Variants in CUEDC1 observed in about 807,000 individuals in gnomAD.
CUEDC1 encodes the protein CUE domain containing 1.
A neutral mutation model predicts 43.7 loss-of-function variants in CUEDC1; 30 were observed. The ratio of observed to expected loss-of-function variants is 0.69; its 90% CI spans 0.51 to 0.93. The LOEUF is 0.93. Ranked by LOEUF, CUEDC1 falls within the 40% of genes least tolerant of loss-of-function variation. The probability of loss-of-function intolerance (pLI) is 0.00; values close to 1 mark genes in which losing one functional copy is unlikely to be tolerated. For missense variants in CUEDC1, 486 were observed against 549.0 expected (o/e 0.89, Z 1.15); for synonymous variants, 223 against 223.6 (o/e 1.00, Z 0.02).
At chr17:57,870,491 C>T (rs2074018741) in intron 6 of CUEDC1, among the ~76,000 whole-genome samples, 1 of 152,222 alleles carries the variant, frequency 6.6e-6, no homozygotes, top group Non-Finnish European at 1.5e-5. Context: ...TGAGTAAACT[C>T]CCCAGATTAA....
At chr17:57,884,277 A>G (rs1156735054) in intron 2 of CUEDC1, among the ~76,000 whole-genome samples, 1 of 136,610 alleles carries the variant, frequency 7.3e-6, no homozygotes, top group Non-Finnish European at 1.5e-5. Context: ...GGCTCACTGC[A>G]ACCTCTGCCT....
At chr17:57,940,300 G>GCACTC (rs1214122238) in intron 1 of CUEDC1, among the ~76,000 whole-genome samples, 1 of 151,600 alleles carries the variant, frequency 6.6e-6, no homozygotes, top group Non-Finnish European at 1.5e-5. Context: ...TCAGCCAGAG[G>GCACTC]CACTCCAATG....
intron 1 of CUEDC1, among the ~76,000 whole-genome samples, chr17:57,944,856 A>G (rs2074947050): frequency 6.6e-6 from 1 of 152,224 alleles, no homozygotes. Flanking sequence ...GGAATCTTTC[A>G]AGATTCACCA....
intron 8 of CUEDC1, 50 bp from the exon 9 acceptor site, chr17:57,867,465 T>G (rs1377558251): frequency 6.7e-7 from 1 of 1,499,084 alleles, no homozygotes; most frequent in African/African-American, 1.4e-5. Flanking sequence ...GACACTGCCC[T>G]AGTCCTCCCA....
intron 10 of CUEDC1, among the ~76,000 whole-genome samples, chr17:57,865,942 C>T (rs775448340): frequency 2.6e-5 from 4 of 152,060 alleles, no homozygotes; most frequent in Non-Finnish European, 5.9e-5. Context: ...CCTGCCTCAG[C>T]CTCCCAAGTA....
At chr17:57,896,488 GTGTGT>G (rs2074410944) in intron 1 of CUEDC1, among the ~76,000 whole-genome samples, 1 of 36,020 alleles carries the variant, frequency 2.8e-5, no homozygotes, top group African/African-American at 4.9e-5. Flanking sequence ...GCATTATGGG[GTGTGT>G]GTGTGTGTGT....
At chr17:57,877,502 G>A (rs188848857) in intron 3 of CUEDC1, among the ~76,000 whole-genome samples, 21 of 149,084 alleles carry the variant, frequency 1.4e-4, no homozygotes, top group African/African-American at 4.4e-4. Context: ...TATGGCCTCA[G>A]TTTTCCCTTC....
At chr17:57,935,141 A>G (rs1236566469) in intron 1 of CUEDC1, among the ~76,000 whole-genome samples, 2 of 152,214 alleles carry the variant, frequency 1.3e-5, no homozygotes, top group East Asian at 3.8e-4. Flanking sequence ...CTCACTGACT[A>G]ATACACAAGA....
intron 1 of CUEDC1, among the ~76,000 whole-genome samples, chr17:57,894,088 G>A (rs983790413): frequency 2.6e-5 from 4 of 152,180 alleles, no homozygotes; most frequent in Middle Eastern, 3.4e-3. Context: ...GCAAGACTCC[G>A]TCTCAAAAAC....
intron 3 of CUEDC1, among the ~76,000 whole-genome samples, chr17:57,875,471 C>T (rs543722157): frequency 1.3e-5 from 2 of 152,276 alleles, no homozygotes; most frequent in South Asian, 2.1e-4. Flanking sequence ...CCTTGGCTGG[C>T]ACTGGTAGAG....
chr17:57,885,917 C>G, intron 1 of CUEDC1, 38 bp from the exon 2 acceptor site: 1 of 194,832 alleles, frequency 5.1e-6, no homozygotes, highest in Non-Finnish European at 1.0e-5. Context: ...CCGAGGCTAA[C>G]AAAACATGAG....
At chr17:57,869,473 C>G (rs1397685623) in intron 6 of CUEDC1, among the ~76,000 whole-genome samples, 3 of 152,326 alleles carry the variant, frequency 2.0e-5, no homozygotes, top group African/African-American at 4.8e-5. Context: ...CTGACCAACT[C>G]CATGTTTCAT....
At chr17:57,894,895 A>G (rs2074392969) in intron 1 of CUEDC1, among the ~76,000 whole-genome samples, 1 of 152,122 alleles carries the variant, frequency 6.6e-6, no homozygotes, top group Non-Finnish European at 1.5e-5. Context: ...TGAGGCCCAA[A>G]TATCAGGTGT....
chr17:57,883,713 A>C lies in CUEDC1; in HGVS notation c.336+1516T>G, dbSNP rs552791345. Among the ~76,000 whole-genome samples the C allele has an allele frequency of 2.2e-4, 33 of 152,080 alleles. No homozygotes were observed. The South Asian group carries it at 4.6e-3, about 21-fold the overall frequency. On this transcript the variant is annotated intron_variant, in intron 2 of 10. Transcript: ENST00000577830. ...ACTCCAGCCTGGGCGACAGAGCAAG[A>C]CTCTGTCTCAAAAAAACAAAAAAAC...
chr17:57,933,195 G>A (rs978203565), intron 1 of CUEDC1, among the ~76,000 whole-genome samples: 7 of 137,596 alleles, frequency 5.1e-5, no homozygotes, highest in South Asian at 2.3e-4. Context: ...ACAGCCTCAC[G>A]GGCAGCAAGG....
At position 57,885,689 on chromosome 17, in the gene CUEDC1, C is replaced by G. The variant is rs1003238093; in HGVS notation, c.-125G>C. On this transcript the variant is annotated 5_prime_UTR_variant, in exon 2 of 11. Transcript: ENST00000577830. ...CAGCTCACTCCTGCGCCTCCTCCTC[C>G]CCGGGTAGCCAGGCAGCAATGGGCT... The G allele has an allele frequency of 1.1e-5, 14 of 1,294,784 alleles. No homozygotes were observed. The highest frequency in any genetic ancestry group is 1.4e-5 in the Non-Finnish European group (14 of 1,023,624). The allele number at this position is 1,294,784 out of a possible 1,614,324, so 80.2% of individuals were successfully genotyped here. A position where few individuals can be genotyped will look rare whatever the true frequency, so the allele number is the denominator to read the frequency against.
intron 10 of CUEDC1, 111 bp from the exon 11 acceptor site, chr17:57,863,396 A>C (rs1183894663): frequency 6.6e-6 from 1 of 152,210 alleles, no homozygotes; most frequent in African/African-American, 2.4e-5. Flanking sequence ...TAAAGACGTA[A>C]GCCCTCTCCT....
In CUEDC1 at chr17:57,952,829, A is replaced by G. The variant is rs142952771; in HGVS notation, c.-316+2396T>C. Among the ~76,000 whole-genome samples, 520 of 152,332 alleles carry G rather than the reference A, an allele frequency of 3.4e-3. 1 individual carries two copies. The highest frequency in any genetic ancestry group is 0.02 in the South Asian group (97 of 4,824). On this transcript the variant is annotated intron_variant, in intron 1 of 10. Coordinates refer to ENST00000577830, the MANE Select transcript of CUEDC1 (RefSeq NM_001271875.2). ...GACTTGAGCCTAAGGAAGTCTTCTC[A>G]GTCCCAAGGTAGAGAAGTCACAAAT...
chr17:57,945,012 G>C (rs1163048947), intron 1 of CUEDC1, among the ~76,000 whole-genome samples: 1 of 152,208 alleles, frequency 6.6e-6, no homozygotes, highest in Non-Finnish European at 1.5e-5. Context: ...GACAAAAACG[G>C]CTCCCTTGGG....
Sources: allele counts gnomAD v4.1 joint callset (sites outside exome capture counted in the v4.1 genomes callset), GRCh38; gene constraint gnomAD v4.1.1; transcripts MANE v1.5; gene names NCBI Gene and HGNC (gene_info 2026-07-23, HGNC 2026-07-21).